EXOSC10: variants seen among roughly 807,000 people sequenced by gnomAD.
The protein encoded by EXOSC10 is exosome complex component 10.
In EXOSC10, 94 loss-of-function variants were observed where a neutral mutation model predicts 126.6. The ratio of observed to expected loss-of-function variants is 0.74; its 90% CI spans 0.63 to 0.88. The LOEUF is 0.88. Ranked by LOEUF, EXOSC10 falls within the 40% of genes least tolerant of loss-of-function variation. EXOSC10 has a pLI of 0.00. For missense variants in EXOSC10, 1,041 were observed against 1,100.5 expected (o/e 0.95, Z 0.77); for synonymous variants, 395 against 400.8 (o/e 0.99, Z 0.17).
chr1:11,080,562 AAAC>A lies in EXOSC10; in HGVS notation c.1587-16_1587-14del, dbSNP rs773323212. Reference sequence around the variant, plus strand: ...TGGCAGTACATATCTGGAAAAAAAAAAACACACACACACACACACACACACACA... The same window carrying A: ...TGGCAGTACATATCTGGAAAAAAAAAACACACACACACACACACACACACA... On this transcript the variant is annotated splice_polypyrimidine_tract_variant and intron_variant, in intron 12 of 24. Transcript: ENST00000376936. 1,530 of 1,477,448 alleles carry A rather than the reference AAAC, an allele frequency of 1.0e-3. 12 individuals are homozygous for A. In the African/African-American group the frequency reaches 0.022, roughly 21 times the overall value. The allele number at this position is 1,477,448 out of a possible 1,614,324, so 91.5% of individuals were successfully genotyped here. A position where few individuals can be genotyped will look rare whatever the true frequency, so the allele number is the denominator to read the frequency against.
At chr1:11,070,059 C>A (rs910661) in intron 21 of EXOSC10, among the ~76,000 whole-genome samples, 91,482 of 151,506 alleles carry the variant, frequency 0.6, 30,937 homozygotes, top group East Asian at 0.79. Context: ...TAGCAAGACC[C>A]CTATCTCTAC....
At chr1:11,072,575 C>T (rs769964678) in intron 19 of EXOSC10, 2 of 175,124 alleles carry the variant, frequency 1.1e-5, no homozygotes, top group South Asian at 1.3e-4. Flanking sequence ...CTTTATGACA[C>T]CCCACGGACC....
chr1:11,099,651 C>A, intron 1 of EXOSC10, 70 bp downstream of exon 1: 5 of 1,443,480 alleles, frequency 3.5e-6, no homozygotes, highest in Non-Finnish European at 4.6e-6. Context: ...GCATTGGCTG[C>A]CCAGAGGGCC....
intron 14 of EXOSC10, among the ~76,000 whole-genome samples, chr1:11,078,350 C>T (rs979235445): frequency 1.1e-4 from 16 of 151,114 alleles, no homozygotes; most frequent in African/African-American, 1.2e-4. Context: ...CTCCGCCTCC[C>T]GGGTTCACGC....
At chr1:11,068,376 C>T (rs1223541198) in intron 23 of EXOSC10, 2 of 590,956 alleles carry the variant, frequency 3.4e-6, no homozygotes, top group Non-Finnish European at 6.0e-6. Context: ...TTGTGCTGGC[C>T]CCAAAGGGGG....
chr1:11,069,851 G>A (rs996632115), intron 21 of EXOSC10, 121 bp from the exon 22 acceptor site: 5 of 1,036,254 alleles, frequency 4.8e-6, no homozygotes, highest in Admixed American at 4.5e-5. Context: ...AGTCAGTGGT[G>A]GGGAGAGGAG....
intron 1 of EXOSC10, 166 bp downstream of exon 1, chr1:11,099,555 C>T: frequency 1.6e-6 from 1 of 637,916 alleles, no homozygotes; most frequent in South Asian, 2.7e-5. Context: ...TTTCCGAGGC[C>T]CCATCCCCGG....
At chr1:11,071,265 G>T in intron 20 of EXOSC10, 1 of 402,444 alleles carries the variant, frequency 2.5e-6, no homozygotes, top group Non-Finnish European at 4.4e-6. Flanking sequence ...TAACAGGATC[G>T]TCACCATCAC....
rs916387873 is a variant in EXOSC10, at chr1:11,093,471, T to C, written c.373-1874A>G. Among the ~76,000 whole-genome samples the C allele has an allele frequency of 3.3e-5, 5 of 152,272 alleles. 1 individual carries two copies. Among genetic ancestry groups the C allele is most frequent in the African/African-American group, 7.2e-5 (3 of 41,560 alleles). On this transcript the variant is annotated intron_variant, in intron 3 of 24. Transcript: ENST00000376936. ...AATATACCAGAAACTGCTGAAAGATTTGTAGGCATTTAGACTAGGGAAGAG... is the reference window on the plus strand; with the variant it reads ...AATATACCAGAAACTGCTGAAAGATCTGTAGGCATTTAGACTAGGGAAGAG...
chr1:11,095,745 G>A lies in EXOSC10; in HGVS notation c.372+13C>T. ...AAAACAAAACAAAAAAAAGAGTAAGGGAAAATACTCACCACTCTCTCCAGA... is the reference window on the plus strand; with the variant it reads ...AAAACAAAACAAAAAAAAGAGTAAGAGAAAATACTCACCACTCTCTCCAGA... On this transcript the variant is annotated intron_variant, in intron 3 of 24. Transcript: ENST00000376936. The A allele has an allele frequency of 6.2e-7, 1 of 1,612,900 alleles. No individual in the cohort carries two copies. Among genetic ancestry groups the A allele is most frequent in the Non-Finnish European group, 8.5e-7 (1 of 1,179,166 alleles).
chr1:11,070,856 G>A, intron 21 of EXOSC10, 44 bp downstream of exon 21: 1 of 1,542,254 alleles, frequency 6.5e-7, no homozygotes, highest in Non-Finnish European at 8.9e-7. Flanking sequence ...CCACAAGCAG[G>A]GGCATCGTTT....
chr1:11,082,329 A>G (rs554645269), intron 10 of EXOSC10, among the ~76,000 whole-genome samples: 27 of 150,660 alleles, frequency 1.8e-4, no homozygotes, highest in African/African-American at 6.6e-4. Context: ...GTCATCTTGC[A>G]CACACACACA....
At position 11,069,566 on chromosome 1, in the gene EXOSC10, A is replaced by G. The variant is rs1407780689; in HGVS notation, c.2481T>C (p.Ala827=). 1 of 1,612,064 alleles carries G rather than the reference A, an allele frequency of 6.2e-7. No individual in the cohort carries two copies. The highest frequency in any genetic ancestry group is 1.1e-5 in the South Asian group (1 of 90,718). Residue 827 remains alanine (A), a synonymous_variant, in exon 22 of 25, where the codon GCT becomes GCC. Transcript: ENST00000376936. ...PYDYSQSDFK[A]FAGNSKSKVS... ...GCCCCATTACTTCCTCACCAGCAAA[A>G]GCCTTGAAGTCTGACTGGCTGTAGT... is the stretch of plus-strand genomic sequence containing the variant.
chr1:11,069,921 C>T (rs1639359710), intron 21 of EXOSC10, among the ~76,000 whole-genome samples, 191 bp from the exon 22 acceptor site: 1 of 152,152 alleles, frequency 6.6e-6, no homozygotes, highest in Non-Finnish European at 1.5e-5. Flanking sequence ...CCTCACTGGA[C>T]AATGACATGA....
chr1:11,087,018 A>G (rs1017626837), intron 9 of EXOSC10, among the ~76,000 whole-genome samples: 1 of 152,196 alleles, frequency 6.6e-6, no homozygotes, highest in Admixed American at 6.6e-5. Flanking sequence ...TCAAAAAATT[A>G]ATGAATCCAG....
At chr1:11,080,668 C>G (rs1356989514) in intron 12 of EXOSC10, 96 bp downstream of exon 12, 1 of 1,601,482 alleles carries the variant, frequency 6.2e-7, no homozygotes, top group Admixed American at 1.7e-5. Flanking sequence ...GGGGAAATAA[C>G]CAGCTTTCAT....
chr1:11,076,889 G>GC lies in EXOSC10; in HGVS notation c.1938dup (p.Leu647AlafsTer16). 1 of 1,613,912 alleles carries GC rather than the reference G, an allele frequency of 6.2e-7. No homozygotes were observed. Among genetic ancestry groups the GC allele is most frequent in the Non-Finnish European group, 8.5e-7 (1 of 1,180,024 alleles). On this transcript the variant is annotated frameshift_variant, in exon 17 of 25. Transcript: ENST00000376936. LOFTEE classifies it high-confidence loss of function. ...GTGGCAATCAGGCATGTGGTACCCAGCAAGTTATCTTCTTTTTCATCAGGG... is the reference window on the plus strand; with the variant it reads ...GTGGCAATCAGGCATGTGGTACCCAGCCAAGTTATCTTCTTTTTCATCAGGG...
intron 9 of EXOSC10, among the ~76,000 whole-genome samples, chr1:11,085,141 C>G (rs373541324): frequency 7.6e-4 from 116 of 152,124 alleles, no homozygotes; most frequent in Admixed American, 1.1e-3. Context: ...GAACTTTAAA[C>G]TAGTTTTTTC....
chr1:11,078,539 G>A (rs1305408512), intron 14 of EXOSC10, among the ~76,000 whole-genome samples: 1 of 151,976 alleles, frequency 6.6e-6, no homozygotes, highest in Non-Finnish European at 1.5e-5. Flanking sequence ...TTACAGGCGT[G>A]AGCCACCGCG....
Sources: gnomAD v4.1 joint callset for allele counts (sites outside exome capture counted in the v4.1 genomes callset) on GRCh38, gnomAD v4.1.1 for gene constraint, MANE v1.5 for transcripts, NCBI Gene and HGNC (gene_info 2026-07-23, HGNC 2026-07-21) for gene names.